COMMD1: variants seen among roughly 807,000 people sequenced by gnomAD.
The protein encoded by COMMD1 is COMM domain-containing protein 1.
Under a neutral mutation model 17.2 loss-of-function variants are expected in COMMD1, and 10 were observed. The observed-to-expected ratio is 0.58, with a 90% CI of 0.36 to 0.99. The LOEUF is 0.99. Ranked by LOEUF, COMMD1 falls within the 50% of genes least tolerant of loss-of-function variation. COMMD1 has a pLI of 0.01. For missense variants in COMMD1, 270 were observed against 231.8 expected (o/e 1.17, Z -1.07); for synonymous variants, 97 against 91.6 (o/e 1.06, Z -0.34).
chr2:62,113,947 A>G (rs1319558821), intron 2 of COMMD1, among the ~76,000 whole-genome samples: 1 of 152,202 alleles, frequency 6.6e-6, no homozygotes, highest in African/African-American at 2.4e-5. Context: ...CAGATGGCAA[A>G]TGTAAATACT....
At chr2:61,966,110 T>C (rs993430747) in intron 1 of COMMD1, among the ~76,000 whole-genome samples, 4 of 152,386 alleles carry the variant, frequency 2.6e-5, no homozygotes, top group Non-Finnish European at 4.4e-5. Context: ...ATAGGTGTTC[T>C]GTTACATGCT....
intron 1 of COMMD1, among the ~76,000 whole-genome samples, chr2:61,960,090 C>T (rs1671300462): frequency 6.6e-6 from 1 of 151,584 alleles, no homozygotes; most frequent in African/African-American, 2.4e-5. Context: ...CCAGAGCAAG[C>T]TAGGACAGCT....
chr2:61,916,429 T>G (rs1670053263), intron 1 of COMMD1, among the ~76,000 whole-genome samples: 1 of 152,110 alleles, frequency 6.6e-6, no homozygotes, highest in African/African-American at 2.4e-5. Flanking sequence ...CTTTTTAAAT[T>G]TTATTTATTA....
intron 1 of COMMD1, among the ~76,000 whole-genome samples, chr2:61,941,652 T>G (rs755840052): frequency 3.3e-5 from 5 of 152,230 alleles, no homozygotes; most frequent in Non-Finnish European, 7.3e-5. Context: ...CTAGGCTGGT[T>G]GTTGTCTCAG....
chr2:62,015,613 C>T (rs1669418728), intron 2 of COMMD1, among the ~76,000 whole-genome samples: 1 of 151,090 alleles, frequency 6.6e-6, no homozygotes, highest in Non-Finnish European at 1.5e-5. Flanking sequence ...TTTTCTACAG[C>T]AGTTGCTCAA....
At chr2:61,889,873 G>T (rs558771413) in intron 1 of COMMD1, among the ~76,000 whole-genome samples, 6 of 152,276 alleles carry the variant, frequency 3.9e-5, no homozygotes, top group African/African-American at 1.4e-4. Context: ...TAAGCACAGT[G>T]CTAAACCTTT....
At chr2:62,027,537 C>G (rs1669791941) in intron 2 of COMMD1, among the ~76,000 whole-genome samples, 1 of 152,146 alleles carries the variant, frequency 6.6e-6, no homozygotes, top group African/African-American at 2.4e-5. Flanking sequence ...GGGCATTACT[C>G]TGCATATTTT....
intron 2 of COMMD1, among the ~76,000 whole-genome samples, chr2:62,079,115 C>T (rs1231438173): frequency 6.6e-6 from 1 of 152,030 alleles, no homozygotes; most frequent in East Asian, 1.9e-4. Flanking sequence ...AAAGGGGTCC[C>T]GAACCAGACC....
chr2:61,888,430 G>C (rs577171461), upstream of COMMD1: 2 of 1,612,618 alleles, frequency 1.2e-6, no homozygotes, highest in South Asian at 1.1e-5. Context: ...GCTTGTCGCG[G>C]TCCTGATAGG....
chr2:62,127,280 T>G (rs1672909864), intron 2 of COMMD1, among the ~76,000 whole-genome samples: 1 of 152,182 alleles, frequency 6.6e-6, no homozygotes, highest in Non-Finnish European at 1.5e-5. Flanking sequence ...AGAATCAATA[T>G]TGCGAAAATG....
intron 2 of COMMD1, among the ~76,000 whole-genome samples, chr2:62,005,124 A>C (rs1213352332): frequency 6.6e-6 from 1 of 152,222 alleles, no homozygotes; most frequent in African/African-American, 2.4e-5. Flanking sequence ...ATCTGTGGGG[A>C]TGGAACATAG....
At chr2:61,947,283 CACTT>C (rs1670931954) in intron 1 of COMMD1, among the ~76,000 whole-genome samples, 2 of 152,130 alleles carry the variant, frequency 1.3e-5, no homozygotes, top group African/African-American at 2.4e-5. Flanking sequence ...GAATACCTGT[CACTT>C]AGTATAACTT....
chr2:61,954,970 C>G (rs1189552865), intron 1 of COMMD1, among the ~76,000 whole-genome samples: 2 of 152,142 alleles, frequency 1.3e-5, no homozygotes, highest in African/African-American at 4.8e-5. Context: ...CCACCATGCC[C>G]AGCCTGATAA....
chr2:62,031,367 T>C (rs1669903930), intron 2 of COMMD1, among the ~76,000 whole-genome samples: 1 of 152,246 alleles, frequency 6.6e-6, no homozygotes, highest in Admixed American at 6.5e-5. Context: ...AGTTACTGTT[T>C]TGTGTTTGAT....
intron 1 of COMMD1, among the ~76,000 whole-genome samples, chr2:61,899,872 G>T (rs1236963106): frequency 2.0e-5 from 3 of 152,080 alleles, no homozygotes; most frequent in Non-Finnish European, 4.4e-5. Flanking sequence ...GGGTTTTACT[G>T]TGTTGGCTAG....
rs527329378 is a variant in COMMD1 at position 61,995,482 on chromosome 2, G to A, written c.181-5219G>A. On this transcript the variant is annotated intron_variant, in intron 1 of 2. Transcript: ENST00000311832. The stretch of plus-strand genomic sequence containing the variant: ...CCTCACTCAGTCATCTAAACTTTAA[G>A]TAAAAAATTTGTGGTAATACTCTTC... Among the ~76,000 whole-genome samples the A allele has an allele frequency of 2.6e-5, 4 of 152,302 alleles. No individual in the cohort carries two copies. In the South Asian group the frequency reaches 8.3e-4, roughly 32 times the overall value.
At chr2:62,036,275 T>C (rs1442684767) in intron 2 of COMMD1, among the ~76,000 whole-genome samples, 1 of 152,216 alleles carries the variant, frequency 6.6e-6, no homozygotes, top group Non-Finnish European at 1.5e-5. Context: ...TTAAATAGTG[T>C]TTTATGGACA....
chr2:61,888,519 C>T (rs1233848754), upstream of COMMD1: 7 of 1,610,230 alleles, frequency 4.3e-6, no homozygotes, highest in African/African-American at 9.3e-5. Flanking sequence ...GCAAACTCCG[C>T]TGTGTCTGGG....
At chr2:62,065,399 G>T (rs1253684244) in intron 2 of COMMD1, among the ~76,000 whole-genome samples, 1 of 130,524 alleles carries the variant, frequency 7.7e-6, no homozygotes, top group Non-Finnish European at 1.6e-5. Flanking sequence ...AGGCTAAAGT[G>T]CAGTGGTGTG....
Sources: allele counts gnomAD v4.1 joint callset (sites outside exome capture counted in the v4.1 genomes callset), GRCh38; gene constraint gnomAD v4.1.1; transcripts MANE v1.5; gene names NCBI Gene and HGNC (gene_info 2026-07-23, HGNC 2026-07-21).